Variants in NOCT observed in about 807,000 individuals in gnomAD.
NOCT encodes CCR4 carbon catabolite repression 4-like.
A neutral mutation model predicts 35.0 loss-of-function variants in NOCT; 18 were observed. That is an observed-to-expected ratio of 0.51 (90% CI 0.36 to 0.76). The LOEUF (loss-of-function observed/expected upper bound fraction) is 0.76, where lower values mean the gene tolerates loss of function less well. NOCT is among the 30% of genes least tolerant of loss of function. The pLI is 0.01. For synonymous variants in NOCT, 235 were observed against 226.3 expected (o/e 1.04, Z -0.34); for missense variants, 479 against 541.0 (o/e 0.89, Z 1.14).
chr4:139,015,848 C>T lies in NOCT; in HGVS notation c.-134C>T. The T allele has an allele frequency of 1.9e-5, 13 of 676,748 alleles. No individual in the cohort carries two copies. Among genetic ancestry groups the T allele is most frequent in the Non-Finnish European group, 2.7e-5 (13 of 489,312 alleles). The allele number at this position is 676,748 out of a possible 1,614,324, so 41.9% of individuals were successfully genotyped here. A position where few individuals can be genotyped will look rare whatever the true frequency, so the allele number is the denominator to read the frequency against. On this transcript the variant is annotated 5_prime_UTR_variant, in exon 1 of 3. Coordinates refer to ENST00000280614, the MANE Select transcript of NOCT (RefSeq NM_012118.4). Reference sequence around the variant, plus strand: ...CTGCTGCCCGGGATTTCCCCAGAACCTGCGCCGCGCGAGAAGGAGCCTGGG... The same window carrying T: ...CTGCTGCCCGGGATTTCCCCAGAACTTGCGCCGCGCGAGAAGGAGCCTGGG...
chr4:139,016,214 A>G, intron 1 of NOCT, 43 bp downstream of exon 1: 3 of 1,190,534 alleles, frequency 2.5e-6, no homozygotes, highest in Non-Finnish European at 3.1e-6. Flanking sequence ...CACGGCCGCC[A>G]ACGCGCGGCC....
chr4:139,028,045 T>G (rs1038667920), intron 1 of NOCT: 3 of 152,176 alleles, frequency 2.0e-5, no homozygotes, highest in Non-Finnish European at 4.4e-5. Context: ...ACTCACACTG[T>G]AAAAACACGT....
chr4:139,043,181 G>C lies in NOCT; in HGVS notation c.298G>C (p.Glu100Gln). The C allele has an allele frequency of 6.2e-7, 1 of 1,614,188 alleles. No individual in the cohort carries two copies. Among genetic ancestry groups the C allele is most frequent in the Non-Finnish European group, 8.5e-7 (1 of 1,180,034 alleles). ...HPEYLVSPDP[E>Q]HLEPIDPKEL... is the part of the protein sequence containing the mutation. Reference sequence around the variant, plus strand: ...AGAGTATTTGGTGTCACCTGACCCAGAGCATCTGGAGCCCATTGATCCTAA... The same window carrying C: ...AGAGTATTTGGTGTCACCTGACCCACAGCATCTGGAGCCCATTGATCCTAA... The change falls in exon 2 of 3, where the codon GAG (glutamate) becomes CAG (glutamine). Residue 100 changes from glutamate (E) to glutamine (Q), a missense_variant. Physicochemically the swap from Glu to Gln is conservative, Grantham distance 29. Around this residue, in one of 2 missense-constraint regions of NOCT, gnomAD observed 265 missense variants for 257.0 expected, o/e 1.03. Coordinates refer to ENST00000280614, the MANE Select transcript of NOCT (RefSeq NM_012118.4).
chr4:139,042,454 TACAAAG>T (rs1330811383), intron 1 of NOCT, among the ~76,000 whole-genome samples: 1 of 152,156 alleles, frequency 6.6e-6, no homozygotes, highest in Non-Finnish European at 1.5e-5. Context: ...TTTTATAAAT[TACAAAG>T]ACAAATCCTA....
chr4:139,020,325 C>T (rs540704946), intron 1 of NOCT, among the ~76,000 whole-genome samples: 5 of 152,100 alleles, frequency 3.3e-5, no homozygotes, highest in Non-Finnish European at 5.9e-5. Flanking sequence ...TAAAAGGTGA[C>T]ATGACTAATT....
chr4:139,029,693 G>A (rs1353382559), intron 1 of NOCT, among the ~76,000 whole-genome samples: 3 of 152,090 alleles, frequency 2.0e-5, no homozygotes, highest in Admixed American at 6.6e-5. Context: ...GGGCTCAAGC[G>A]ATCCTTCTGC....
At chr4:139,017,819 T>A (rs539619645) in intron 1 of NOCT, among the ~76,000 whole-genome samples, 30 of 152,152 alleles carry the variant, frequency 2.0e-4, no homozygotes, top group East Asian at 1.9e-3. Context: ...ATAAAAATTT[T>A]AAAAAATGTA....
chr4:139,025,522 T>C (rs1178308599), intron 1 of NOCT, among the ~76,000 whole-genome samples: 2 of 152,152 alleles, frequency 1.3e-5, no homozygotes, highest in African/African-American at 2.4e-5. Flanking sequence ...TTAAAAAATT[T>C]TAAAGAGGCC....
chr4:139,020,697 G>T (rs1310504861), intron 1 of NOCT, among the ~76,000 whole-genome samples: 1 of 152,122 alleles, frequency 6.6e-6, no homozygotes, highest in African/African-American at 2.4e-5. Context: ...TATGAGCTCT[G>T]CCCCTCCTTT....
intron 1 of NOCT, among the ~76,000 whole-genome samples, chr4:139,026,486 C>T (rs1354425209): frequency 1.3e-5 from 2 of 152,056 alleles, no homozygotes; most frequent in Non-Finnish European, 2.9e-5. Flanking sequence ...CCTCAGCCTC[C>T]CGAGTAGCTG....
chr4:139,022,144 C>T (rs892166235), intron 1 of NOCT, among the ~76,000 whole-genome samples: 1 of 152,174 alleles, frequency 6.6e-6, no homozygotes, highest in African/African-American at 2.4e-5. Context: ...GGACAGTGTG[C>T]CTGGGCGTTT....
At chr4:139,038,791 T>C (rs1360048750) in intron 1 of NOCT, among the ~76,000 whole-genome samples, 2 of 152,200 alleles carry the variant, frequency 1.3e-5, no homozygotes, top group African/African-American at 2.4e-5. Flanking sequence ...CCATTACATA[T>C]TGAATTCTCC....
At position 139,015,960 on chromosome 4, in the gene NOCT, C is replaced by A. The variant is rs936091601; in HGVS notation, c.-22C>A. 7 of 1,332,718 alleles carry A rather than the reference C, an allele frequency of 5.3e-6. No individual in the cohort carries two copies. In the African/African-American group the frequency reaches 6.2e-5, roughly 12 times the overall value. The allele number at this position is 1,332,718 out of a possible 1,614,324, so 82.6% of individuals were successfully genotyped here. On this transcript the variant is annotated 5_prime_UTR_variant, in exon 1 of 3. Transcript: ENST00000280614. ...TCCGCTCCTCGGGCGCGCGAGGGGCCGTGGTGGCGGCGGCGCCCGGCATGT... is the reference window on the plus strand; with the variant it reads ...TCCGCTCCTCGGGCGCGCGAGGGGCAGTGGTGGCGGCGGCGCCCGGCATGT...
chr4:139,040,867 C>T (rs1343375885), intron 1 of NOCT, among the ~76,000 whole-genome samples: 2 of 151,844 alleles, frequency 1.3e-5, no homozygotes, highest in Non-Finnish European at 2.9e-5. Flanking sequence ...GGATGTTTGG[C>T]TGTTTTTTGT....
chr4:139,020,251 C>G (rs1726383005), intron 1 of NOCT, among the ~76,000 whole-genome samples: 1 of 152,090 alleles, frequency 6.6e-6, no homozygotes, highest in South Asian at 2.1e-4. Context: ...TAGACTTTAC[C>G]TAGAACAAAT....
At chr4:139,038,925 A>G (rs1726783330) in intron 1 of NOCT, among the ~76,000 whole-genome samples, 1 of 151,960 alleles carries the variant, frequency 6.6e-6, no homozygotes, top group Non-Finnish European at 1.5e-5. Context: ...AGATATGGCA[A>G]ATTTTTTTTT....
At chr4:139,036,042 C>T (rs1429186503) in intron 1 of NOCT, among the ~76,000 whole-genome samples, 2 of 152,140 alleles carry the variant, frequency 1.3e-5, no homozygotes, top group Non-Finnish European at 2.9e-5. Flanking sequence ...CCCTATTCTA[C>T]CTTTTCCGTT....
rs117927123 is a variant in NOCT, at chr4:139,045,738, G to A, written c.*264G>A. ...TCACCGTGTTAGCCAGGATGGTCTC[G>A]ATCTCCTGACCTTGAATCACAAGAG... On this transcript the variant is annotated 3_prime_UTR_variant, in exon 3 of 3. Transcript: ENST00000280614. 4,152 of 298,972 alleles carry A rather than the reference G, an allele frequency of 0.014. 133 individuals carry two copies. Among genetic ancestry groups the A allele is most frequent in the East Asian group, 0.1 (1,686 of 16,196 alleles). 18.5% of individuals were successfully genotyped at this position (298,972 alleles called of 1,614,324 possible). A position where few individuals can be genotyped will look rare whatever the true frequency, so the allele number is the denominator to read the frequency against.
At chr4:139,044,589 G>T in intron 2 of NOCT, 50 bp from the exon 3 acceptor site, 1 of 1,217,666 alleles carries the variant, frequency 8.2e-7, no homozygotes, top group Non-Finnish European at 1.2e-6. Flanking sequence ...TGGGTACTTT[G>T]AAGTCACGGT....
Sources: allele counts gnomAD v4.1 joint callset (sites outside exome capture counted in the v4.1 genomes callset), GRCh38; gene constraint gnomAD v4.1.1; regional missense constraint gnomAD v4.1.1; transcripts MANE v1.5; gene names NCBI Gene and HGNC (gene_info 2026-07-23, HGNC 2026-07-21).